Variants in REDIC1 observed in about 807,000 individuals in gnomAD.
REDIC1 encodes the protein regulator of DNA class I crossover intermediates 1.
At chr12:39,715,313 A>T in the REDIC1 span, among the ~76,000 whole-genome samples, 1 of 151,868 alleles carries the variant, frequency 6.6e-6, no homozygotes, top group Non-Finnish European at 1.5e-5. Flanking sequence ...ATTTGTTGAA[A>T]AGGGTTTCTT....
chr12:39,826,803 G>A, the REDIC1 span, among the ~76,000 whole-genome samples: 1 of 129,960 alleles, frequency 7.7e-6, no homozygotes, highest in Non-Finnish European at 1.6e-5. Flanking sequence ...ATAACTTTCA[G>A]TATAATTGAA....
chr12:39,744,906 T>C, the REDIC1 span, among the ~76,000 whole-genome samples: 1 of 152,058 alleles, frequency 6.6e-6, no homozygotes, highest in South Asian at 2.1e-4. Context: ...TCAGAGTGGA[T>C]CAAAAAACAA....
chr12:39,713,859 A>T, the REDIC1 span, among the ~76,000 whole-genome samples: 1 of 147,370 alleles, frequency 6.8e-6, no homozygotes, highest in Non-Finnish European at 1.5e-5. Context: ...GCATATATAC[A>T]TACATATATA....
the REDIC1 span, chr12:39,907,605 T>A: frequency 2.0e-5 from 3 of 152,242 alleles, no homozygotes; most frequent in Middle Eastern, 3.4e-3. Context: ...TAATTTTGAG[T>A]GTTAAGATTA....
At chr12:39,851,853 A>AT in the REDIC1 span, among the ~76,000 whole-genome samples, 1 of 152,214 alleles carries the variant, frequency 6.6e-6, no homozygotes, top group Non-Finnish European at 1.5e-5. Context: ...TGTGTCAAGA[A>AT]TTTTTAAAAA....
the REDIC1 span, among the ~76,000 whole-genome samples, chr12:39,902,387 CAT>C: frequency 6.6e-6 from 1 of 151,632 alleles, no homozygotes; most frequent in Non-Finnish European, 1.5e-5. Context: ...AAGATATGTA[CAT>C]ACACATGAAG....
At chr12:39,696,492 G>A in the REDIC1 span, among the ~76,000 whole-genome samples, 12 of 118,872 alleles carry the variant, frequency 1.0e-4, no homozygotes, top group South Asian at 1.2e-3. Flanking sequence ...GCAGTGAGCC[G>A]AGATCCCGCC....
the REDIC1 span, among the ~76,000 whole-genome samples, chr12:39,778,008 C>T: frequency 2.6e-5 from 4 of 152,182 alleles, no homozygotes; most frequent in South Asian, 8.3e-4. Flanking sequence ...AACACACGCC[C>T]ACTGGGGCTT....
the REDIC1 span, among the ~76,000 whole-genome samples, chr12:39,806,439 A>G: frequency 1.3e-5 from 2 of 152,148 alleles, no homozygotes; most frequent in Non-Finnish European, 2.9e-5. Flanking sequence ...TTTCTCCTAA[A>G]TGCTACAGGA....
At chr12:39,899,548 T>C in the REDIC1 span, among the ~76,000 whole-genome samples, 1 of 152,062 alleles carries the variant, frequency 6.6e-6, no homozygotes, top group East Asian at 1.9e-4. Flanking sequence ...GCTCTTGCTT[T>C]TCTAGTTCTT....
the REDIC1 span, among the ~76,000 whole-genome samples, chr12:39,877,973 A>AGG: frequency 6.6e-6 from 1 of 152,100 alleles, no homozygotes; most frequent in Non-Finnish European, 1.5e-5. Context: ...TAAAAGTGTG[A>AGG]GGTACCTCCC....
the REDIC1 span, among the ~76,000 whole-genome samples, chr12:39,712,877 GTA>G: frequency 2.3e-3 from 166 of 71,972 alleles, 1 homozygote; most frequent in Non-Finnish European, 3.7e-3. Context: ...GTATATACAC[GTA>G]TATACATATA....
At chr12:39,684,955 CAATT>C in the REDIC1 span, 34 of 1,536,850 alleles carry the variant, frequency 2.2e-5, no homozygotes, top group East Asian at 4.5e-5. Context: ...ATTATCTTCT[CAATT>C]AAGTCAGTTT....
chr12:39,784,502 T>C, the REDIC1 span, among the ~76,000 whole-genome samples: 1 of 152,200 alleles, frequency 6.6e-6, no homozygotes, highest in Non-Finnish European at 1.5e-5. Context: ...CAAATGGTGC[T>C]GGGAAAACTC....
the REDIC1 span, among the ~76,000 whole-genome samples, chr12:39,637,122 T>C: frequency 6.6e-6 from 1 of 151,856 alleles, no homozygotes; most frequent in Non-Finnish European, 1.5e-5. Flanking sequence ...TTAACCCCTT[T>C]ATACTTTTTT....
the REDIC1 span, among the ~76,000 whole-genome samples, chr12:39,894,585 C>T: frequency 6.6e-6 from 1 of 152,144 alleles, no homozygotes; most frequent in Non-Finnish European, 1.5e-5. Context: ...ACAAGACAGA[C>T]TAAAATTTCT....
the REDIC1 span, among the ~76,000 whole-genome samples, chr12:39,649,307 G>T: frequency 0.054 from 8,166 of 151,912 alleles, 253 homozygotes; most frequent in Middle Eastern, 0.092. Flanking sequence ...TGATTAAAAT[G>T]AAATTATAAA....
the REDIC1 span, among the ~76,000 whole-genome samples, chr12:39,790,138 TTG>T: frequency 1.3e-5 from 2 of 151,268 alleles, no homozygotes; most frequent in Non-Finnish European, 1.5e-5. Context: ...TTTTTTTTTT[TTG>T]ACAGACTAAG....
the REDIC1 span, among the ~76,000 whole-genome samples, chr12:39,903,077 T>C: frequency 6.6e-6 from 1 of 152,126 alleles, no homozygotes; most frequent in Non-Finnish European, 1.5e-5. Flanking sequence ...CATAGGAACA[T>C]CGTAATAATG....
Sources: gnomAD v4.1 joint callset for allele counts (sites outside exome capture counted in the v4.1 genomes callset) on GRCh38, gnomAD v4.1.1 for gene constraint, MANE v1.5 for transcripts, NCBI Gene and HGNC (gene_info 2026-07-23, HGNC 2026-07-21) for gene names.